GALNT3: variants seen among roughly 807,000 people sequenced by gnomAD.
The protein encoded by GALNT3 is GalNAc transferase 3.
Under a neutral mutation model 69.8 loss-of-function variants are expected in GALNT3, and 51 were observed. That is an observed-to-expected ratio of 0.73 (90% confidence interval 0.58 to 0.92). The LOEUF (loss-of-function observed/expected upper bound fraction) is 0.92. Ranked by LOEUF, GALNT3 falls within the 40% of genes least tolerant of loss-of-function variation. The pLI is 0.00. For missense variants in GALNT3, 711 were observed against 760.0 expected (o/e 0.94, Z 0.76); for synonymous variants, 265 against 248.5 (o/e 1.07, Z -0.63).
intron 1 of GALNT3, 100 bp from the exon 2 acceptor site, chr2:165,770,908 T>C (rs1325351788): frequency 2.4e-5 from 12 of 496,924 alleles, no homozygotes; most frequent in Non-Finnish European, 2.8e-5. Flanking sequence ...GCTACCAATG[T>C]ACTCTTATGG....
At chr2:165,751,700 A>G (rs2105400224) in intron 9 of GALNT3, among the ~76,000 whole-genome samples, 1 of 152,276 alleles carries the variant, frequency 6.6e-6, no homozygotes, top group South Asian at 2.1e-4. Context: ...TAATGACTCA[A>G]ACTGCATTAC....
At chr2:165,774,387 C>T (rs189430470) in intron 1 of GALNT3, among the ~76,000 whole-genome samples, 1 of 152,162 alleles carries the variant, frequency 6.6e-6, no homozygotes, top group African/African-American at 2.4e-5. Flanking sequence ...TATGACAGAA[C>T]TAGATTCTTC....
rs1325114006 is a variant in GALNT3 at position 165,789,717 on chromosome 2, AAAT to A, written c.-109+4295_-109+4297del. Among the ~76,000 whole-genome samples, 40 of 148,760 alleles carry A rather than the reference AAAT, an allele frequency of 2.7e-4. 1 individual carries two copies. The South Asian group carries it at 7.9e-3, about 30-fold the overall frequency. On this transcript the variant is annotated intron_variant, in intron 1 of 10. Transcript: ENST00000392701. ...GACCTTGTCTCATAAAAAAAAAAAA[AAAT>A]CTGATTTTTTTGGATGTTAGAAAGG...
chr2:165,770,906 T>C (rs1688741811), intron 1 of GALNT3, 98 bp from the exon 2 acceptor site: 1 of 497,628 alleles, frequency 2.0e-6, no homozygotes, highest in Non-Finnish European at 3.5e-6. Context: ...AAGCTACCAA[T>C]GTACTCTTAT....
chr2:165,762,912 A>G lies in GALNT3; in HGVS notation c.689-858T>C, dbSNP rs555600529. Among the ~76,000 whole-genome samples, 51 of 151,902 alleles carry G rather than the reference A, an allele frequency of 3.4e-4. 2 individuals carry two copies. The highest frequency in any genetic ancestry group is 2.9e-3 in the Admixed American group (45 of 15,262). ...GCAAGCAGTTTTCCTCAGCTTCCCA[A>G]GTAGCTGGGACCACAGGCATGCTCC... On this transcript the variant is annotated intron_variant, in intron 3 of 10. Transcript: ENST00000392701.
intron 7 of GALNT3, among the ~76,000 whole-genome samples, chr2:165,756,842 C>G (rs920296066): frequency 2.6e-5 from 4 of 152,134 alleles, no homozygotes; most frequent in African/African-American, 9.7e-5. Context: ...TTAAAAACAT[C>G]AAGTAGAATT....
intron 1 of GALNT3, among the ~76,000 whole-genome samples, chr2:165,789,750 A>G (rs1440809729): frequency 6.6e-6 from 1 of 152,056 alleles, no homozygotes; most frequent in Non-Finnish European, 1.5e-5. Flanking sequence ...GAAAGGTGAT[A>G]TGGTTTACAT....
intron 5 of GALNT3, 144 bp from the exon 6 acceptor site, chr2:165,759,008 T>C (rs1688495170): frequency 2.9e-6 from 2 of 696,526 alleles, no homozygotes; most frequent in East Asian, 5.3e-5. Context: ...AAATGCTATC[T>C]TCAAAGTCAA....
chr2:165,766,817 T>A (rs955790163), intron 2 of GALNT3, among the ~76,000 whole-genome samples: 8 of 152,290 alleles, frequency 5.3e-5, no homozygotes, highest in Non-Finnish European at 8.8e-5. Context: ...TCAATAGGAA[T>A]GTCTCTGATA....
chr2:165,754,679 T>G lies in GALNT3; in HGVS notation c.1574A>C (p.Gln525Pro). Residue 525 changes from glutamine to proline, a missense_variant, in exon 9 of 11, where the codon CAA becomes CCA. By Grantham distance (76) the Gln-to-Pro change is moderately conservative. Transcript: ENST00000392701. ...ATACATAATTAATGGTTTGCCTCCT[T>G]GATTGTTTTCTCCAACATCCAGACA... is the stretch of plus-strand genomic sequence containing the variant. ...PLCLDVGENN[Q>P]GGKPLIMYTC... 6.2e-7 allele frequency: 1 copy of G among 1,613,700 alleles called. No individual in the cohort carries two copies. Among genetic ancestry groups the G allele is most frequent in the Non-Finnish European group, 8.5e-7 (1 of 1,179,808 alleles).
At position 165,748,500 on chromosome 2, in the gene GALNT3, A is replaced by T. The variant is rs13429321; in HGVS notation, c.*281T>A. 0.43 allele frequency: 186,263 copies of T among 437,994 alleles called. 42,334 individuals are homozygous for T. Among genetic ancestry groups the T allele is most frequent in the Non-Finnish European group, 0.49 (117,223 of 238,792 alleles). The allele number at this position is 437,994 out of a possible 1,614,324, so 27.1% of individuals were successfully genotyped here. On this transcript the variant is annotated 3_prime_UTR_variant, in exon 11 of 11. Transcript: ENST00000392701. ...CCCTAAGTGTACAAAACACACAAAC[A>T]TCACTTTACTTGGAAAATTATTTTC...
At chr2:165,749,632 G>A (rs143974566) in intron 10 of GALNT3, 110 bp downstream of exon 10, 4 of 969,280 alleles carry the variant, frequency 4.1e-6, no homozygotes, top group East Asian at 4.8e-5. Context: ...AATAAAGGGA[G>A]AGAAATTCTG....
chr2:165,749,722 A>G lies in GALNT3; in HGVS notation c.1779+20T>C. 1 of 1,608,986 alleles carries G rather than the reference A, an allele frequency of 6.2e-7. No homozygotes were observed. Among genetic ancestry groups the G allele is most frequent in the South Asian group, 1.1e-5 (1 of 90,974 alleles). On this transcript the variant is annotated intron_variant, in intron 10 of 10. Coordinates refer to ENST00000392701, the MANE Select transcript of GALNT3 (RefSeq NM_004482.4). ...GCTAAGAAAAATAGTTAAATAGATG[A>G]ATTAATTGCACTGAGGTACCTTCTG...
chr2:165,766,260 A>C (rs887779066), intron 2 of GALNT3, among the ~76,000 whole-genome samples: 6 of 152,220 alleles, frequency 3.9e-5, no homozygotes, highest in African/African-American at 1.4e-4. Flanking sequence ...TCCATGTTAA[A>C]AGTCCTGTGC....
At chr2:165,752,676 T>C (rs1325874820) in intron 9 of GALNT3, among the ~76,000 whole-genome samples, 2 of 152,172 alleles carry the variant, frequency 1.3e-5, no homozygotes. Context: ...CTTCAGCTTT[T>C]AAGATAAAAT....
At chr2:165,789,086 T>C (rs905283461) in intron 1 of GALNT3, among the ~76,000 whole-genome samples, 1 of 152,166 alleles carries the variant, frequency 6.6e-6, no homozygotes, top group African/African-American at 2.4e-5. Context: ...AGGTATAAAA[T>C]GTTAAGTGGA....
chr2:165,765,090 C>A, intron 2 of GALNT3, 34 bp from the exon 3 acceptor site: 2 of 1,560,414 alleles, frequency 1.3e-6, no homozygotes, highest in African/African-American at 2.7e-5. Context: ...AAAACAATTA[C>A]AAATTTTATT....
chr2:165,772,584 CAAAAAAAA>C (rs375725339), intron 1 of GALNT3, among the ~76,000 whole-genome samples: 5 of 66,956 alleles, frequency 7.5e-5, no homozygotes, highest in African/African-American at 1.3e-4. Context: ...GACTCTGTCT[CAAAAAAAA>C]AAAAAAAAAA....
intron 1 of GALNT3, among the ~76,000 whole-genome samples, chr2:165,792,588 A>G (rs947405123): frequency 6.6e-6 from 1 of 152,234 alleles, no homozygotes; most frequent in African/African-American, 2.4e-5. Context: ...ATGTTGCATC[A>G]GGCATTTTAA....
Sources: allele counts gnomAD v4.1 joint callset (sites outside exome capture counted in the v4.1 genomes callset), GRCh38; gene constraint gnomAD v4.1.1; transcripts MANE v1.5; gene names NCBI Gene and HGNC (gene_info 2026-07-23, HGNC 2026-07-21).